Variants in SLC35F1 observed in about 807,000 individuals in gnomAD.
SLC35F1 encodes solute carrier family 35 member F1.
SLC35F1 carries 14 observed loss-of-function variants against 48.7 expected under a neutral mutation model. That is an observed-to-expected ratio of 0.29 (90% CI 0.19 to 0.45). The LOEUF (loss-of-function observed/expected upper bound fraction) is 0.45. SLC35F1 is among the 20% of genes least tolerant of loss of function. The pLI, the probability that SLC35F1 is intolerant of heterozygous loss-of-function variation, is 1.00. For synonymous variants in SLC35F1, 190 were observed against 202.2 expected (o/e 0.94, Z 0.51); for missense variants, 404 against 500.0 (o/e 0.81, Z 1.83).
At chr6:118,109,949 A>G (rs1773376173) in intron 1 of SLC35F1, among the ~76,000 whole-genome samples, 1 of 152,200 alleles carries the variant, frequency 6.6e-6, no homozygotes, top group Admixed American at 6.5e-5. Context: ...GTTATTGGAG[A>G]CACTTTGGAA....
At chr6:117,994,953 C>T (rs1776966155) in intron 1 of SLC35F1, among the ~76,000 whole-genome samples, 1 of 152,186 alleles carries the variant, frequency 6.6e-6, no homozygotes, top group Admixed American at 6.5e-5. Flanking sequence ...ACTCATGTAA[C>T]TGACATTTCA....
At chr6:117,907,930 G>A in intron 1 of SLC35F1, 31 bp downstream of exon 1, 1 of 1,301,882 alleles carries the variant, frequency 7.7e-7, no homozygotes, top group South Asian at 2.4e-5. Context: ...AGGGCGCGGG[G>A]GGCGGGGGCT....
At chr6:118,086,251 G>C (rs1772988333) in intron 1 of SLC35F1, among the ~76,000 whole-genome samples, 1 of 152,186 alleles carries the variant, frequency 6.6e-6, no homozygotes, top group African/African-American at 2.4e-5. Flanking sequence ...TTTATAGTTT[G>C]TAGGCTTTTC....
chr6:118,063,073 A>G (rs1772564439), intron 1 of SLC35F1, among the ~76,000 whole-genome samples: 1 of 152,154 alleles, frequency 6.6e-6, no homozygotes, highest in Non-Finnish European at 1.5e-5. Flanking sequence ...CAAGAAGACT[A>G]GAAAGTTATT....
intron 1 of SLC35F1, among the ~76,000 whole-genome samples, chr6:118,134,671 G>A (rs1773767524): frequency 6.6e-6 from 1 of 152,208 alleles, no homozygotes; most frequent in Non-Finnish European, 1.5e-5. Context: ...TGCTTCCTGA[G>A]TATGACCCTT....
intron 3 of SLC35F1, among the ~76,000 whole-genome samples, chr6:118,259,808 T>G (rs756858439): frequency 1.4e-4 from 21 of 152,214 alleles, no homozygotes; most frequent in South Asian, 1.0e-3. Context: ...GGAAAAGAGT[T>G]TAGCAATTCC....
At position 118,068,176 on chromosome 6, in the gene SLC35F1, G is replaced by A. The variant is rs542645963; in HGVS notation, c.174-86269G>A. Among the ~76,000 whole-genome samples, 4 of 152,254 alleles carry A rather than the reference G, an allele frequency of 2.6e-5. No homozygotes were observed. The East Asian group carries it at 7.7e-4, about 29-fold the overall frequency. On this transcript the variant is annotated intron_variant, in intron 1 of 7. Transcript: ENST00000360388. ...GTATTGGATGGTGCCCGCCCACAGT[G>A]AGGGCAGATCTTCCCCACTCAGTCC...
At chr6:118,198,007 T>C (rs549902866) in intron 2 of SLC35F1, among the ~76,000 whole-genome samples, 1 of 152,294 alleles carries the variant, frequency 6.6e-6, no homozygotes, top group Non-Finnish European at 1.5e-5. Flanking sequence ...ATTAAGAGCA[T>C]TTTCTATATC....
chr6:118,198,553 C>A (rs1270776093), intron 2 of SLC35F1, among the ~76,000 whole-genome samples: 1 of 152,118 alleles, frequency 6.6e-6, no homozygotes, highest in Non-Finnish European at 1.5e-5. Flanking sequence ...AATAAAATAA[C>A]CGCTTCGTAT....
intron 1 of SLC35F1, among the ~76,000 whole-genome samples, chr6:118,079,343 T>C (rs1772871548): frequency 6.6e-6 from 1 of 152,248 alleles, no homozygotes; most frequent in Non-Finnish European, 1.5e-5. Flanking sequence ...ATAGCATGTA[T>C]CAATTTCATT....
At chr6:118,098,551 T>G (rs1773211621) in intron 1 of SLC35F1, among the ~76,000 whole-genome samples, 1 of 152,190 alleles carries the variant, frequency 6.6e-6, no homozygotes, top group South Asian at 2.1e-4. Context: ...CCTTTCTTTG[T>G]ACCTCTGAAG....
intron 1 of SLC35F1, among the ~76,000 whole-genome samples, chr6:118,072,567 A>C (rs907259782): frequency 6.6e-6 from 1 of 152,288 alleles, no homozygotes; most frequent in Middle Eastern, 3.4e-3. Flanking sequence ...CTGCCTCAAA[A>C]AAAGAAAAAA....
intron 1 of SLC35F1, among the ~76,000 whole-genome samples, chr6:118,078,898 CTGTT>C (rs1044446081): frequency 6.6e-6 from 1 of 152,204 alleles, no homozygotes; most frequent in Admixed American, 6.5e-5. Context: ...TGAGTCATGG[CTGTT>C]TAAGACTGGC....
At chr6:118,138,587 A>T (rs1404711185) in intron 1 of SLC35F1, among the ~76,000 whole-genome samples, 1 of 152,230 alleles carries the variant, frequency 6.6e-6, no homozygotes, top group Non-Finnish European at 1.5e-5. Context: ...CATTAGATTT[A>T]TCTGAAGTGT....
chr6:118,009,956 G>C (rs1321386590), intron 1 of SLC35F1, among the ~76,000 whole-genome samples: 1 of 152,062 alleles, frequency 6.6e-6, no homozygotes, highest in Non-Finnish European at 1.5e-5. Context: ...TGCATGCCAG[G>C]GAAGTAATGA....
intron 1 of SLC35F1, among the ~76,000 whole-genome samples, chr6:117,998,226 T>G (rs2114864033): frequency 6.8e-6 from 1 of 146,694 alleles, no homozygotes; most frequent in South Asian, 2.3e-4. Flanking sequence ...AAGAGCTAAC[T>G]ATCCTAAATA....
At chr6:117,995,508 C>T (rs748525354) in intron 1 of SLC35F1, among the ~76,000 whole-genome samples, 5 of 152,148 alleles carry the variant, frequency 3.3e-5, no homozygotes, top group Non-Finnish European at 7.4e-5. Flanking sequence ...TTTAGGAGGC[C>T]GAGGCGGGCG....
intron 1 of SLC35F1, among the ~76,000 whole-genome samples, chr6:117,993,031 G>T (rs569336108): frequency 3.9e-5 from 6 of 152,170 alleles, no homozygotes; most frequent in African/African-American, 1.4e-4. Context: ...CACAGACCCC[G>T]TTTATCACAA....
At chr6:117,923,643 G>GCACACATATATATATGTATATA (rs1775943126) in intron 1 of SLC35F1, among the ~76,000 whole-genome samples, 1 of 58,738 alleles carries the variant, frequency 1.7e-5, no homozygotes, top group Non-Finnish European at 3.8e-5. Context: ...ATGTACATAT[G>GCACACATATATATATGTATATA]TACATATGTA....
Sources: allele counts gnomAD v4.1 joint callset (sites outside exome capture counted in the v4.1 genomes callset), GRCh38; gene constraint gnomAD v4.1.1; transcripts MANE v1.5; gene names NCBI Gene and HGNC (gene_info 2026-07-23, HGNC 2026-07-21).